Variants in LAMA3 observed in about 807,000 individuals in gnomAD.
The protein encoded by LAMA3 is laminin subunit alpha-3.
Under a neutral mutation model 402.0 loss-of-function variants are expected in LAMA3, and 281 were observed. That is an observed-to-expected ratio of 0.70 (90% CI 0.63 to 0.77). LAMA3 has a LOEUF of 0.77. Among genes scored for constraint, LAMA3 ranks in the 30% least tolerant of loss-of-function variants. LAMA3 has a pLI of 0.00. For synonymous variants in LAMA3, 1,431 were observed against 1,558.4 expected (o/e 0.92, Z 1.93); for missense variants, 3,840 against 4,215.5 (o/e 0.91, Z 2.47).
chr18:23,730,358 CTTTTTCTTTCTTTTTTTTTTTT>C (rs1429872673), intron 2 of LAMA3, among the ~76,000 whole-genome samples: 1 of 139,998 alleles, frequency 7.1e-6, no homozygotes, highest in Non-Finnish European at 1.5e-5. Context: ...GTCTTTTTTT[CTTTTTCTTTCTTTTTTTTTTTT>C]TTTTTTGAGA....
chr18:23,954,180 T>TCACTTGAGG (rs2083028364), intron 74 of LAMA3, among the ~76,000 whole-genome samples: 1 of 151,946 alleles, frequency 6.6e-6, no homozygotes, highest in Admixed American at 6.6e-5. Context: ...GGCGGGAGGA[T>TCACTTGAGG]CACTTGAGGC....
chr18:23,848,994 C>A lies in LAMA3; in HGVS notation c.4136+1326C>A, dbSNP rs944126112. 2.6e-5 allele frequency among the ~76,000 whole-genome samples: 4 copies of A among 152,300 alleles called. No individual in the cohort carries two copies. The East Asian group carries it at 7.7e-4, about 29-fold the overall frequency. ...TTCCTGTGGCGTTTCCCTCTCTGTACGTGTCTCTGTCTCTTCTCATTTTCT... is the reference window on the plus strand; with the variant it reads ...TTCCTGTGGCGTTTCCCTCTCTGTAAGTGTCTCTGTCTCTTCTCATTTTCT... On this transcript the variant is annotated intron_variant, in intron 32 of 74. Coordinates refer to ENST00000313654, the MANE Select transcript of LAMA3 (RefSeq NM_198129.4).
intron 25 of LAMA3, among the ~76,000 whole-genome samples, chr18:23,837,972 A>C (rs2063620554): frequency 6.6e-6 from 1 of 152,204 alleles, no homozygotes; most frequent in Non-Finnish European, 1.5e-5. Flanking sequence ...TAACAATCTG[A>C]GGGAATCTAA....
intron 68 of LAMA3, among the ~76,000 whole-genome samples, chr18:23,939,998 G>C (rs760862150): frequency 6.6e-6 from 1 of 152,236 alleles, no homozygotes; most frequent in Non-Finnish European, 1.5e-5. Flanking sequence ...GCTAAAAGGA[G>C]CTGGCTCTAA....
At chr18:23,896,638 G>A (rs529370817) in intron 44 of LAMA3, among the ~76,000 whole-genome samples, 1 of 152,322 alleles carries the variant, frequency 6.6e-6, no homozygotes, top group Admixed American at 6.5e-5. Flanking sequence ...CTGTGCCCAT[G>A]AATGGGGGCT....
chr18:23,897,169 C>A (rs1486943386), intron 44 of LAMA3, among the ~76,000 whole-genome samples: 1 of 152,166 alleles, frequency 6.6e-6, no homozygotes, highest in Non-Finnish European at 1.5e-5. Flanking sequence ...AAAATACACT[C>A]ATTGAAGTAA....
intron 1 of LAMA3, among the ~76,000 whole-genome samples, chr18:23,700,054 G>A (rs2060763547): frequency 6.6e-6 from 1 of 152,064 alleles, no homozygotes; most frequent in Non-Finnish European, 1.5e-5. Flanking sequence ...ATCTCCCCAT[G>A]ATCTTTTTTT....
At chr18:23,947,897 C>T (rs1025712109) in intron 70 of LAMA3, among the ~76,000 whole-genome samples, 8 of 151,394 alleles carry the variant, frequency 5.3e-5, no homozygotes, top group South Asian at 4.2e-4. Context: ...CTGCAAGCTC[C>T]GCCTCCTGGG....
chr18:23,914,912 A>G (rs753518821), intron 58 of LAMA3, 52 bp downstream of exon 58: 24 of 1,403,736 alleles, frequency 1.7e-5, no homozygotes, highest in South Asian at 7.1e-5. Flanking sequence ...TTAATTTGGT[A>G]TGGTGATGAC....
chr18:23,873,241 G>A (rs1184629334), intron 38 of LAMA3: 1 of 1,592,768 alleles, frequency 6.3e-7, no homozygotes, highest in African/African-American at 1.3e-5. Flanking sequence ...GTTTTGGTTT[G>A]TGATAGGGAA....
Position 23,858,844 on chromosome 18 carries a change from A to G in LAMA3, c.4422+15A>G, listed in dbSNP as rs2144721368. 1.9e-6 allele frequency: 3 copies of G among 1,613,486 alleles called. No homozygotes were observed. Among genetic ancestry groups the G allele is most frequent in the South Asian group, 2.2e-5 (2 of 91,080 alleles). Reference sequence around the variant, plus strand: ...GAAGGACTAAGGTATGCATTGACAGAAAGTGCTGGGGAACATTTTGTACAT... The same window carrying G: ...GAAGGACTAAGGTATGCATTGACAGGAAGTGCTGGGGAACATTTTGTACAT... On this transcript the variant is annotated intron_variant, in intron 34 of 74. Coordinates refer to ENST00000313654, the MANE Select transcript of LAMA3 (RefSeq NM_198129.4).
Position 23,775,834 on chromosome 18 carries a change from G to T in LAMA3, c.1316G>T (p.Gly439Val). 12 of 1,614,014 alleles carry T rather than the reference G, an allele frequency of 7.4e-6. No individual in the cohort carries two copies. Among genetic ancestry groups the T allele is most frequent in the Non-Finnish European group, 1.0e-5 (12 of 1,179,892 alleles). Residue 439 changes from glycine to valine, a missense_variant, in exon 10 of 75, where the codon GGT (glycine) becomes GTT (valine). Physicochemically the swap from Gly to Val is moderately radical, Grantham distance 109. This residue lies in a region of LAMA3 where 2,109 missense variants were observed against 2,376.0 expected (regional missense o/e 0.89). Coordinates refer to ENST00000313654, the MANE Select transcript of LAMA3 (RefSeq NM_198129.4). ...DPEHADGCEQ[G>V]SGRCHCKPNF... ...GAGCATGCGGATGGCTGTGAACAGG[G>T]TTCAGGCCGCTGTCACTGCAAGCCA...
chr18:23,842,396 A>C lies in LAMA3; in HGVS notation c.3338A>C (p.Asn1113Thr), dbSNP rs2063721320. 1 of 1,614,026 alleles carries C rather than the reference A, an allele frequency of 6.2e-7. No individual in the cohort carries two copies. Among genetic ancestry groups the C allele is most frequent in the Non-Finnish European group, 8.5e-7 (1 of 1,180,024 alleles). Reference sequence around the variant, plus strand: ...TTTCCTCCTCTTTTTTCCTCTTAGAATCAAGTGACCCTGAGAGGACGTGTA... The same window carrying C: ...TTTCCTCCTCTTTTTTCCTCTTAGACTCAAGTGACCCTGAGAGGACGTGTA... ...LPGVTLKAPQ[N>T]QVTLRGRVPH... The change falls in exon 28 of 75, where the codon AAT becomes ACT. Residue 1113 changes from asparagine to threonine, a missense_variant and splice_region_variant. Transcript: ENST00000313654.
chr18:23,755,689 C>G (rs2061830121), intron 6 of LAMA3, among the ~76,000 whole-genome samples: 1 of 151,920 alleles, frequency 6.6e-6, no homozygotes, highest in Non-Finnish European at 1.5e-5. Flanking sequence ...GCAGCCAACT[C>G]AAAAAGGGAA....
intron 12 of LAMA3, among the ~76,000 whole-genome samples, chr18:23,797,839 G>A (rs2062795681): frequency 6.6e-6 from 1 of 152,184 alleles, no homozygotes; most frequent in Admixed American, 6.5e-5. Flanking sequence ...ACTTTCCTAA[G>A]TACAATGCAG....
At position 23,884,854 on chromosome 18, in the gene LAMA3, G is replaced by T; in HGVS notation, c.5303+1G>T. On this transcript the variant is annotated splice_donor_variant, in intron 41 of 74. Coordinates refer to ENST00000313654, the MANE Select transcript of LAMA3 (RefSeq NM_198129.4). LOFTEE classifies it high-confidence loss of function. ...GGTACACAGGAACACAGTGTGAAAG[G>T]TAAGGTGGGCGCCCCTCCCGCCTCA... The T allele has an allele frequency of 6.2e-7, 1 of 1,608,862 alleles. No homozygotes were observed. Among genetic ancestry groups the T allele is most frequent in the Non-Finnish European group, 8.5e-7 (1 of 1,176,834 alleles).
At chr18:23,706,084 T>C (rs939912314) in intron 1 of LAMA3, among the ~76,000 whole-genome samples, 1 of 152,230 alleles carries the variant, frequency 6.6e-6, no homozygotes. Flanking sequence ...TATCATGCTT[T>C]TTTCACTTAA....
At chr18:23,738,127 G>A (rs1052623021) in intron 2 of LAMA3, among the ~76,000 whole-genome samples, 6 of 152,116 alleles carry the variant, frequency 3.9e-5, no homozygotes, top group East Asian at 1.9e-4. Context: ...CCTGAACTCT[G>A]AGAGAACTGC....
chr18:23,946,271 C>A lies in LAMA3; in HGVS notation c.9338C>A (p.Ser3113Ter). 3 of 1,614,120 alleles carry A rather than the reference C, an allele frequency of 1.9e-6. No homozygotes were observed. Among genetic ancestry groups the A allele is most frequent in the Non-Finnish European group, 1.7e-6 (2 of 1,180,012 alleles). ...RAPVYLGSPP[S>*]GKPKSLPTNS... is the part of the protein sequence containing the mutation. ...CCAGTTTACCTGGGATCACCTCCAT[C>A]AGGGAAACCAAAGGTAAATAGTTAT... Residue 3113 changes from serine to a stop codon, truncating the protein, a stop_gained, in exon 70 of 75, where the codon TCA becomes TAA. Transcript: ENST00000313654. LOFTEE classifies it high-confidence loss of function.
Sources: gnomAD v4.1 joint callset for allele counts (sites outside exome capture counted in the v4.1 genomes callset) on GRCh38, gnomAD v4.1.1 for gene constraint, gnomAD v4.1.1 regional missense constraint, MANE v1.5 for transcripts, NCBI Gene and HGNC (gene_info 2026-07-23, HGNC 2026-07-21) for gene names.